CAST: variants seen among roughly 807,000 people sequenced by gnomAD.
CAST encodes the protein MIR583 host.
CAST carries 76 observed loss-of-function variants against 119.6 expected under a neutral mutation model. The ratio of observed to expected loss-of-function variants is 0.64; its 90% CI spans 0.53 to 0.77. The LOEUF is 0.77. CAST is among the 30% of genes least tolerant of loss of function. The probability of loss-of-function intolerance (pLI) is 0.00; values close to 1 mark genes in which losing one functional copy is unlikely to be tolerated. For synonymous variants in CAST, 319 were observed against 331.6 expected (o/e 0.96, Z 0.41); for missense variants, 953 against 946.5 (o/e 1.01, Z -0.09).
chr5:96,208,436 C>A, the CAST span, among the ~76,000 whole-genome samples: 1 of 151,824 alleles, frequency 6.6e-6, no homozygotes, highest in African/African-American at 2.4e-5. Context: ...TGAATGAGAT[C>A]TTTTTAACTT....
At chr5:96,014,567 CAT>C in the CAST span, among the ~76,000 whole-genome samples, 1 of 152,140 alleles carries the variant, frequency 6.6e-6, no homozygotes, top group Non-Finnish European at 1.5e-5. Flanking sequence ...ACCACAAACA[CAT>C]GAGTAATGCA....
At chr5:96,211,719 T>A in the CAST span, among the ~76,000 whole-genome samples, 1 of 152,070 alleles carries the variant, frequency 6.6e-6, no homozygotes, top group African/African-American at 2.4e-5. Context: ...GTGTTAATTC[T>A]TCTGTAAACA....
At chr5:96,640,651 T>C (rs1274302382) in intron 1 of CAST, among the ~76,000 whole-genome samples, 1 of 152,170 alleles carries the variant, frequency 6.6e-6, no homozygotes, top group Non-Finnish European at 1.5e-5. Flanking sequence ...GGGATGCAGA[T>C]CTGCTAGATG....
chr5:96,111,093 T>G, the CAST span: 1 of 152,254 alleles, frequency 6.6e-6, no homozygotes, highest in Non-Finnish European at 1.5e-5. Context: ...AGTCCCCAGG[T>G]TACCTATACT....
At chr5:96,435,925 C>G in the CAST span, among the ~76,000 whole-genome samples, 3 of 152,260 alleles carry the variant, frequency 2.0e-5, no homozygotes, top group East Asian at 5.8e-4. Flanking sequence ...AACATATACC[C>G]TTGGGCATAC....
Position 96,709,636 on chromosome 5 carries a change from GCTTAT to G in CAST, c.211-12996_211-12992del, listed in dbSNP as rs200895786. The stretch of plus-strand genomic sequence containing the variant: ...GAATACATGTACTAGCTTGTCACAT[GCTTAT>G]CTTATCATCATACTGGCCTTATGAT... On this transcript the variant is annotated intron_variant, in intron 3 of 31. Coordinates refer to ENST00000675179, the MANE Select transcript of CAST (RefSeq NM_001750.7). 3.9e-3 allele frequency among the ~76,000 whole-genome samples: 595 copies of G among 152,288 alleles called. 10 individuals carry two copies. The highest frequency in any genetic ancestry group is 0.033 in the South Asian group (159 of 4,824).
the CAST span, chr5:96,214,726 G>A: frequency 2.6e-5 from 4 of 152,148 alleles, no homozygotes; most frequent in Non-Finnish European, 5.9e-5. Flanking sequence ...GTGGTGGTAT[G>A]CACTGTGATG....
At chr5:96,172,850 G>A in the CAST span, among the ~76,000 whole-genome samples, 1 of 152,170 alleles carries the variant, frequency 6.6e-6, no homozygotes, top group Non-Finnish European at 1.5e-5. Context: ...GATTGCTCTA[G>A]CAAAAGCCTC....
chr5:96,253,976 G>A, the CAST span, among the ~76,000 whole-genome samples: 1 of 133,988 alleles, frequency 7.5e-6, no homozygotes, highest in Non-Finnish European at 1.6e-5. Context: ...AAAAAAGAGA[G>A]AAATTCACTT....
At chr5:96,668,759 C>G (rs950073342) in intron 1 of CAST, among the ~76,000 whole-genome samples, 4 of 151,706 alleles carry the variant, frequency 2.6e-5, no homozygotes, top group African/African-American at 9.7e-5. Flanking sequence ...AGAAATGACT[C>G]TGAGTATTTA....
chr5:96,218,011 C>T, the CAST span, among the ~76,000 whole-genome samples: 1 of 152,290 alleles, frequency 6.6e-6, no homozygotes, highest in East Asian at 1.9e-4. Context: ...GTTTTGTCTC[C>T]TACCTCAGTT....
At chr5:96,204,498 A>G in the CAST span, among the ~76,000 whole-genome samples, 1 of 152,090 alleles carries the variant, frequency 6.6e-6, no homozygotes, top group African/African-American at 2.4e-5. Flanking sequence ...AATTCCACAC[A>G]GTAGAAACCA....
chr5:96,191,802 T>G, the CAST span, among the ~76,000 whole-genome samples: 3 of 152,322 alleles, frequency 2.0e-5, no homozygotes, highest in Non-Finnish European at 4.4e-5. Context: ...TCTCTTGACC[T>G]CAGGATGTGC....
intron 4 of CAST, among the ~76,000 whole-genome samples, chr5:96,724,779 C>T (rs944437757): frequency 6.6e-6 from 1 of 152,016 alleles, no homozygotes. Flanking sequence ...GCTGTGATTG[C>T]ACCACTGCAC....
chr5:96,064,547 C>A, the CAST span, among the ~76,000 whole-genome samples: 1 of 152,026 alleles, frequency 6.6e-6, no homozygotes, highest in Non-Finnish European at 1.5e-5. Context: ...AGACATCAAT[C>A]TTTATTAATT....
the CAST span, among the ~76,000 whole-genome samples, chr5:96,022,058 A>G: frequency 1.3e-5 from 2 of 152,148 alleles, no homozygotes; most frequent in African/African-American, 2.4e-5. Flanking sequence ...TAGCATTTAC[A>G]TTGTGTTGGG....
chr5:96,364,627 T>C, the CAST span, among the ~76,000 whole-genome samples: 6 of 152,236 alleles, frequency 3.9e-5, no homozygotes, highest in South Asian at 6.2e-4. Flanking sequence ...GTTTATAGTA[T>C]TCTCTGATGG....
the CAST span, among the ~76,000 whole-genome samples, chr5:96,075,638 T>C: frequency 2.0e-5 from 3 of 151,992 alleles, no homozygotes; most frequent in Admixed American, 2.0e-4. Flanking sequence ...AAAGAAGAAA[T>C]AGAGTTTTCA....
the CAST span, among the ~76,000 whole-genome samples, chr5:96,503,883 A>G: frequency 1.3e-5 from 2 of 152,158 alleles, no homozygotes. Context: ...TCCTGACATT[A>G]ACGAGCTTCA....
Sources: allele counts gnomAD v4.1 joint callset (sites outside exome capture counted in the v4.1 genomes callset), GRCh38; gene constraint gnomAD v4.1.1; transcripts MANE v1.5; gene names NCBI Gene and HGNC (gene_info 2026-07-23, HGNC 2026-07-21).